Variants in CFAP210 observed in about 807,000 individuals in gnomAD.
The protein encoded by CFAP210 is cilia and flagella associated protein 210, also known as cilia- and flagella- associated protein 210.
chr2:169,650,392 T>C, the CFAP210 span: 21 of 1,605,298 alleles, frequency 1.3e-5, no homozygotes, highest in South Asian at 1.9e-4. Flanking sequence ...CTTTTTCTCT[T>C]TCTCTTTTTT....
the CFAP210 span, among the ~76,000 whole-genome samples, chr2:169,675,884 C>T: frequency 1.3e-5 from 2 of 152,196 alleles, no homozygotes; most frequent in African/African-American, 4.8e-5. Context: ...GAGGCCTTCA[C>T]TCCTCATGTC....
chr2:169,678,341 CAAAAAAA>C, the CFAP210 span, among the ~76,000 whole-genome samples: 29 of 88,196 alleles, frequency 3.3e-4, no homozygotes, highest in Middle Eastern at 5.7e-3. Context: ...AACTCTGTTG[CAAAAAAA>C]AAAAAAAAAA....
At chr2:169,664,241 T>C in the CFAP210 span, among the ~76,000 whole-genome samples, 3 of 152,194 alleles carry the variant, frequency 2.0e-5, no homozygotes, top group South Asian at 6.2e-4. Context: ...AAGAGATTCA[T>C]CCAATTCTAA....
the CFAP210 span, among the ~76,000 whole-genome samples, chr2:169,692,897 G>C: frequency 1.3e-5 from 2 of 152,154 alleles, no homozygotes; most frequent in African/African-American, 4.8e-5. Context: ...AGGCTGACAC[G>C]GGGCTGGGAG....
the CFAP210 span, chr2:169,662,369 T>G: frequency 1.9e-6 from 3 of 1,607,110 alleles, no homozygotes; most frequent in Admixed American, 5.1e-5. Context: ...TTCTGTCGCT[T>G]TATTTCCTCA....
At chr2:169,674,906 T>A in the CFAP210 span, 40 of 1,527,074 alleles carry the variant, frequency 2.6e-5, no homozygotes, top group Non-Finnish European at 3.4e-5. Context: ...AAAATTGATA[T>A]TGCTTTGCAT....
the CFAP210 span, among the ~76,000 whole-genome samples, chr2:169,684,690 A>G: frequency 6.6e-6 from 1 of 152,070 alleles, no homozygotes; most frequent in Non-Finnish European, 1.5e-5. Context: ...GTCTGTCTCC[A>G]TCGCCCAGGG....
the CFAP210 span, among the ~76,000 whole-genome samples, chr2:169,686,980 C>T: frequency 0.023 from 3,469 of 152,192 alleles, 128 homozygotes; most frequent in African/African-American, 0.078. Flanking sequence ...TGGTGAGAGG[C>T]AAAAGGCACT....
chr2:169,689,484 A>G, the CFAP210 span, among the ~76,000 whole-genome samples: 1 of 152,224 alleles, frequency 6.6e-6, no homozygotes, highest in Non-Finnish European at 1.5e-5. Flanking sequence ...CAATGCCACT[A>G]AACTTTATTA....
chr2:169,648,989 A>G, the CFAP210 span, among the ~76,000 whole-genome samples: 1 of 152,234 alleles, frequency 6.6e-6, no homozygotes, highest in Non-Finnish European at 1.5e-5. Context: ...CATTCATTTA[A>G]AAGATAAAAC....
At chr2:169,659,850 T>G in the CFAP210 span, among the ~76,000 whole-genome samples, 1 of 152,162 alleles carries the variant, frequency 6.6e-6, no homozygotes, top group South Asian at 2.1e-4. Context: ...TCTGTTCAGG[T>G]TTTGGATTTC....
the CFAP210 span, among the ~76,000 whole-genome samples, chr2:169,653,050 A>ATG: frequency 1.2e-3 from 123 of 102,386 alleles, 1 homozygote; most frequent in African/African-American, 4.4e-3. Context: ...ATATATATAT[A>ATG]TATATATATA....
chr2:169,693,740 T>G, the CFAP210 span, among the ~76,000 whole-genome samples: 3 of 152,292 alleles, frequency 2.0e-5, no homozygotes, highest in South Asian at 6.2e-4. Flanking sequence ...TAAAAGCATT[T>G]GACTTAGAGA....
chr2:169,663,797 A>T, the CFAP210 span, among the ~76,000 whole-genome samples: 1 of 115,434 alleles, frequency 8.7e-6, no homozygotes. Context: ...AAATAATAAT[A>T]AAAAAAAAAA....
At chr2:169,662,271 T>C in the CFAP210 span, 9 of 1,589,830 alleles carry the variant, frequency 5.7e-6, no homozygotes, top group Non-Finnish European at 7.7e-6. Flanking sequence ...TTTTGCCCTT[T>C]CAACTTACAA....
chr2:169,678,339 T>C, the CFAP210 span, among the ~76,000 whole-genome samples: 2 of 71,762 alleles, frequency 2.8e-5, no homozygotes, highest in African/African-American at 5.9e-5. Flanking sequence ...GAAACTCTGT[T>C]GCAAAAAAAA....
At chr2:169,667,575 T>A in the CFAP210 span, among the ~76,000 whole-genome samples, 1 of 152,128 alleles carries the variant, frequency 6.6e-6, no homozygotes, top group East Asian at 1.9e-4. Context: ...CAGTAAGACT[T>A]GAAAGTCTAA....
chr2:169,654,881 C>T, the CFAP210 span, among the ~76,000 whole-genome samples: 1 of 152,114 alleles, frequency 6.6e-6, no homozygotes, highest in Non-Finnish European at 1.5e-5. Context: ...GAGCGTCCTT[C>T]CACTCCATCC....
chr2:169,650,580 C>A, the CFAP210 span: 1 of 1,343,860 alleles, frequency 7.4e-7, no homozygotes, highest in African/African-American at 1.5e-5. Flanking sequence ...ATGGAGCCAA[C>A]ATAATTTAAT....
Sources: allele counts gnomAD v4.1 joint callset (sites outside exome capture counted in the v4.1 genomes callset), GRCh38; gene constraint gnomAD v4.1.1; transcripts MANE v1.5; gene names NCBI Gene and HGNC (gene_info 2026-07-23, HGNC 2026-07-21).